Variants in CCDC171 observed in about 807,000 individuals in gnomAD.
CCDC171 encodes the protein coiled-coil domain containing 171.
Under a neutral mutation model 168.2 loss-of-function variants are expected in CCDC171, and 177 were observed. The ratio of observed to expected loss-of-function variants is 1.05; its 90% CI spans 0.93 to 1.19. CCDC171 has a LOEUF of 1.19. CCDC171 is among the 50% of genes most tolerant of loss of function. The probability of loss-of-function intolerance (pLI) is 0.00; values close to 1 mark genes in which losing one functional copy is unlikely to be tolerated. For synonymous variants in CCDC171, 687 were observed against 540.8 expected, an observed-to-expected ratio of 1.27 and a Z score of -3.75; for missense variants, 1,991 against 1,539.0, an observed-to-expected ratio of 1.29 and a Z score of -4.91.
chr9:15,639,050 A>G (rs181544659), intron 7 of CCDC171, among the ~76,000 whole-genome samples: 285 of 152,226 alleles, frequency 1.9e-3, no homozygotes, highest in Middle Eastern at 3.4e-3. Context: ...CATATTCTAT[A>G]TTATAGTAAC....
chr9:15,931,046 T>C (rs765626439), intron 25 of CCDC171, among the ~76,000 whole-genome samples: 9 of 151,758 alleles, frequency 5.9e-5, no homozygotes, highest in Non-Finnish European at 1.2e-4. Context: ...GCAATAAACA[T>C]TGGAGTGCAG....
At chr9:15,554,782 A>G (rs2038654407) in intron 1 of CCDC171, among the ~76,000 whole-genome samples, 1 of 152,172 alleles carries the variant, frequency 6.6e-6, no homozygotes, top group African/African-American at 2.4e-5. Context: ...CCAGATGTGG[A>G]TTTGAATTCT....
chr9:15,823,331 A>G (rs897622160), intron 21 of CCDC171, among the ~76,000 whole-genome samples: 1 of 152,136 alleles, frequency 6.6e-6, no homozygotes, highest in Non-Finnish European at 1.5e-5. Context: ...TAATAATAAT[A>G]AAATATTAAA....
intron 3 of CCDC171, among the ~76,000 whole-genome samples, chr9:16,007,091 C>A (rs1217473290): frequency 6.6e-6 from 1 of 152,104 alleles, no homozygotes; most frequent in South Asian, 2.1e-4. Flanking sequence ...TCTCCAGCAC[C>A]CATTGTTTCC....
chr9:15,738,725 A>G (rs1358910822), intron 16 of CCDC171, among the ~76,000 whole-genome samples: 1 of 152,198 alleles, frequency 6.6e-6, no homozygotes, highest in East Asian at 1.9e-4. Flanking sequence ...AATACCTCTG[A>G]AAGTAGTTCC....
intron 24 of CCDC171, among the ~76,000 whole-genome samples, chr9:15,917,986 A>G (rs1824772748): frequency 6.6e-6 from 1 of 151,762 alleles, no homozygotes; most frequent in South Asian, 2.1e-4. Context: ...TAATACTACA[A>G]TGAAATTCAA....
chr9:15,588,311 T>C (rs1435618957), intron 4 of CCDC171: 1 of 211,416 alleles, frequency 4.7e-6, no homozygotes, highest in Non-Finnish European at 1.0e-5. Context: ...CCACACGCCA[T>C]TGCATCCCTG....
chr9:15,806,226 C>T (rs1180045896), intron 21 of CCDC171, among the ~76,000 whole-genome samples: 1 of 152,078 alleles, frequency 6.6e-6, no homozygotes, highest in Non-Finnish European at 1.5e-5. Context: ...GCATTTAGCC[C>T]ATTTACACTT....
chr9:15,777,813 A>C lies in CCDC171; in HGVS notation c.2885A>C (p.His962Pro), dbSNP rs760242640. Residue 962 changes from histidine (H) to proline (P), a missense_variant, in exon 19 of 26, where the codon CAT becomes CCT. Physicochemically the swap from His to Pro is moderately conservative, Grantham distance 77 (BLOSUM62 -2). Coordinates refer to ENST00000380701, the MANE Select transcript of CCDC171 (RefSeq NM_173550.4). ...TLALKYGLRG[H>P]VPITKSTASL... ...GCCCTGAAATATGGTTTGCGTGGCC[A>C]TGTGCCCATTACGGTATGTATACAC... 1.9e-6 allele frequency: 3 copies of C among 1,607,772 alleles called. No individual in the cohort carries two copies.
chr9:15,775,427 T>C (rs566613837), intron 18 of CCDC171, among the ~76,000 whole-genome samples: 1 of 152,320 alleles, frequency 6.6e-6, no homozygotes, highest in South Asian at 2.1e-4. Context: ...CAAGGGATTC[T>C]CCTGCCTCAG....
intron 25 of CCDC171, among the ~76,000 whole-genome samples, chr9:15,959,600 CCTA>C (rs1415757356): frequency 1.3e-5 from 2 of 151,980 alleles, no homozygotes; most frequent in Non-Finnish European, 2.9e-5. Context: ...TAGTAGACAA[CCTA>C]CTCCAAGCGC....
At chr9:15,653,047 G>T (rs886779258) in intron 7 of CCDC171, among the ~76,000 whole-genome samples, 5 of 152,162 alleles carry the variant, frequency 3.3e-5, no homozygotes, top group African/African-American at 1.2e-4. Context: ...GGAATAGTTT[G>T]AGTTAAACTC....
chr9:15,711,675 A>G (rs1227103434), intron 11 of CCDC171, among the ~76,000 whole-genome samples: 1 of 152,236 alleles, frequency 6.6e-6, no homozygotes, highest in Non-Finnish European at 1.5e-5. Flanking sequence ...ACCTTATGCA[A>G]TTGTGGGAGG....
the CCDC171 span, among the ~76,000 whole-genome samples, chr9:16,068,242 A>T: frequency 6.6e-6 from 1 of 151,448 alleles, no homozygotes; most frequent in East Asian, 1.9e-4. Context: ...TAGGAATCCA[A>T]CTTATAAGGG....
At chr9:15,671,821 A>G (rs1289683314) in intron 9 of CCDC171, among the ~76,000 whole-genome samples, 2 of 152,190 alleles carry the variant, frequency 1.3e-5, no homozygotes, top group Admixed American at 6.5e-5. Flanking sequence ...ATACATGTGC[A>G]TGTGTCTTTA....
At position 15,857,143 on chromosome 9, in the gene CCDC171, A is replaced by G. The variant is rs567633514; in HGVS notation, c.3468+8196A>G. ...AATTAAAACCCTCATGTGGTTTGCA[A>G]GTATTTTCTCTTATCCCACAGGTTG... On this transcript the variant is annotated intron_variant, in intron 23 of 25. Coordinates refer to ENST00000380701, the MANE Select transcript of CCDC171 (RefSeq NM_173550.4). Among the ~76,000 whole-genome samples, 10 of 152,076 alleles carry G rather than the reference A, an allele frequency of 6.6e-5. No homozygotes were observed. In the East Asian group the frequency reaches 1.7e-3, roughly 27 times the overall value.
chr9:15,563,138 T>G (rs118164839), intron 1 of CCDC171, among the ~76,000 whole-genome samples: 93 of 149,956 alleles, frequency 6.2e-4, no homozygotes, highest in East Asian at 4.3e-3. Context: ...TCAAGTTACT[T>G]CTTTTTTTTT....
At chr9:15,581,453 A>T (rs548012967) in intron 4 of CCDC171, among the ~76,000 whole-genome samples, 1 of 152,336 alleles carries the variant, frequency 6.6e-6, no homozygotes, top group South Asian at 2.1e-4. Context: ...ATGGAACCAA[A>T]AAAGAGCCCA....
intron 24 of CCDC171, among the ~76,000 whole-genome samples, chr9:15,893,771 C>CA: frequency 6.6e-6 from 1 of 152,062 alleles, no homozygotes; most frequent in East Asian, 1.9e-4. Flanking sequence ...ATTAAAAAGT[C>CA]AAAAAACACA....
Sources: gnomAD v4.1 joint callset for allele counts (sites outside exome capture counted in the v4.1 genomes callset) on GRCh38, gnomAD v4.1.1 for gene constraint, MANE v1.5 for transcripts, NCBI Gene and HGNC (gene_info 2026-07-23, HGNC 2026-07-21) for gene names.